TNNI3K: variants seen among roughly 807,000 people sequenced by gnomAD.
TNNI3K encodes the protein serine/threonine-protein kinase TNNI3K.
In TNNI3K, 140 loss-of-function variants were observed where a neutral mutation model predicts 114.5. That is an observed-to-expected ratio of 1.22 (90% CI 1.07 to 1.41). TNNI3K has a LOEUF of 1.41. Ranked by LOEUF, TNNI3K falls within the 40% of genes most tolerant of loss-of-function variation. The pLI, the probability that TNNI3K is intolerant of heterozygous loss-of-function variation, is 0.00. For synonymous variants in TNNI3K, 347 were observed against 347.5 expected, an observed-to-expected ratio of 1.00 and a Z score of 0.02; for missense variants, 1,125 against 1,007.6, an observed-to-expected ratio of 1.12 and a Z score of -1.58.
intron 23 of TNNI3K, among the ~76,000 whole-genome samples, chr1:74,521,742 G>A (rs1029408477): frequency 9.9e-5 from 15 of 152,242 alleles, no homozygotes; most frequent in African/African-American, 2.4e-4. Flanking sequence ...ATGATAAGAA[G>A]GGCACAGGGT....
rs572002800 is a variant in TNNI3K, at chr1:74,480,956, G to T, written c.2122-8233G>T. 153 of 714,010 alleles carry T rather than the reference G, an allele frequency of 2.1e-4. No homozygotes were observed. The African/African-American group carries it at 2.6e-3, about 12-fold the overall frequency. The allele number at this position is 714,010 out of a possible 1,614,324, so 44.2% of individuals were successfully genotyped here. ...ATCGGTGATGATTAAAACCCTCGTG[G>T]TCATAGGGGCTGCTGTGGGGAAAAA... is the stretch of plus-strand genomic sequence containing the variant. On this transcript the variant is annotated intron_variant, in intron 21 of 24. Transcript: ENST00000326637.
At chr1:74,382,214 A>G (rs1174448030) in intron 17 of TNNI3K, among the ~76,000 whole-genome samples, 2 of 152,088 alleles carry the variant, frequency 1.3e-5, no homozygotes, top group African/African-American at 2.4e-5. Flanking sequence ...TGTCATTTCT[A>G]TTCATGTTCT....
chr1:74,501,096 T>G (rs1350951129), intron 23 of TNNI3K, among the ~76,000 whole-genome samples: 2 of 152,168 alleles, frequency 1.3e-5, no homozygotes, highest in African/African-American at 2.4e-5. Context: ...GGAATTCTAG[T>G]TGGATATTTT....
chr1:74,347,674 C>T (rs1297350990), intron 9 of TNNI3K, among the ~76,000 whole-genome samples: 2 of 152,172 alleles, frequency 1.3e-5, no homozygotes, highest in Admixed American at 6.5e-5. Flanking sequence ...TGTTTCCTGA[C>T]ATTTTAATGA....
intron 23 of TNNI3K, among the ~76,000 whole-genome samples, chr1:74,534,406 A>G (rs1646634254): frequency 6.6e-6 from 1 of 152,168 alleles, no homozygotes; most frequent in Admixed American, 6.5e-5. Flanking sequence ...GGCACTAGCA[A>G]ATATTCTGAG....
At chr1:74,243,722 A>G (rs935996034) in intron 2 of TNNI3K, among the ~76,000 whole-genome samples, 1 of 152,212 alleles carries the variant, frequency 6.6e-6, no homozygotes, top group African/African-American at 2.4e-5. Context: ...TACAAGAAAG[A>G]AAGTAACCTT....
At chr1:74,407,897 C>T (rs1027881269) in intron 17 of TNNI3K, among the ~76,000 whole-genome samples, 2 of 152,110 alleles carry the variant, frequency 1.3e-5, no homozygotes, top group African/African-American at 4.8e-5. Flanking sequence ...CTTTTGCAGA[C>T]CCTACAGGTA....
At chr1:74,320,200 C>T (rs1404022650) in intron 5 of TNNI3K, among the ~76,000 whole-genome samples, 1 of 152,080 alleles carries the variant, frequency 6.6e-6, no homozygotes, top group Non-Finnish European at 1.5e-5. Flanking sequence ...ATACATTTAC[C>T]ACCATTATGC....
rs865870848 is a variant in TNNI3K at position 74,351,067 on chromosome 1, G to T, written c.933-2199G>T. On this transcript the variant is annotated intron_variant, in intron 9 of 24. Transcript: ENST00000326637. ...ATGCAGTTTCTTCCTAGCCTTGATGGTCTTTACAATTTGGCATGTTTTTGC... is the reference window on the plus strand; with the variant it reads ...ATGCAGTTTCTTCCTAGCCTTGATGTTCTTTACAATTTGGCATGTTTTTGC... Among the ~76,000 whole-genome samples, 67 of 151,576 alleles carry T rather than the reference G, an allele frequency of 4.4e-4. 1 individual carries two copies. In the South Asian group the frequency reaches 8.8e-3, roughly 20 times the overall value.
chr1:74,473,550 T>C (rs1187248557), intron 21 of TNNI3K, among the ~76,000 whole-genome samples: 1 of 152,094 alleles, frequency 6.6e-6, no homozygotes, highest in Admixed American at 6.6e-5. Flanking sequence ...TTTTCATTTT[T>C]AACATTGTTA....
At chr1:74,436,409 C>T (rs1666130416) in intron 18 of TNNI3K, 65 bp from the exon 19 acceptor site, 1 of 1,500,480 alleles carries the variant, frequency 6.7e-7, no homozygotes, top group Non-Finnish European at 8.9e-7. Context: ...AAAATTTTAA[C>T]TGTGATCTTT....
At chr1:74,362,504 T>C (rs999469975) in intron 11 of TNNI3K, among the ~76,000 whole-genome samples, 3 of 152,164 alleles carry the variant, frequency 2.0e-5, no homozygotes, top group Non-Finnish European at 4.4e-5. Context: ...CTTAAAATAT[T>C]CTCAGAGCAA....
At chr1:74,312,069 C>T (rs749630242) in intron 5 of TNNI3K, among the ~76,000 whole-genome samples, 64 of 152,084 alleles carry the variant, frequency 4.2e-4, no homozygotes, top group Non-Finnish European at 7.4e-4. Flanking sequence ...AACAGCTTTT[C>T]TGGGAATGTT....
Position 74,463,439 on chromosome 1 carries a change from AGCGGCTGCGGCAGCAGACATG to A in TNNI3K, c.2013_2033del (p.Ala672_Ala678del), listed in dbSNP as rs1667534917. 1.2e-6 allele frequency: 2 copies of A among 1,614,070 alleles called. No homozygotes were observed. The highest frequency in any genetic ancestry group is 1.7e-5 in the Admixed American group (1 of 60,010). ...AAACTGACATGACCATTTGGTTTGC[AGCGGCTGCGGCAGCAGACATG>A]GCTTACCACCACATCAGACCTCCCA... is the stretch of plus-strand genomic sequence containing the variant. On this transcript the variant is annotated splice_acceptor_variant and coding_sequence_variant, in exon 21 of 25. Transcript: ENST00000326637. LOFTEE classifies it high-confidence loss of function.
intron 22 of TNNI3K, 59 bp downstream of exon 22, chr1:74,489,307 C>T: frequency 6.5e-7 from 1 of 1,548,580 alleles, no homozygotes; most frequent in Non-Finnish European, 8.8e-7. Context: ...CCAAGGCTGT[C>T]AGGGAATGTA....
rs183590707 is a variant in TNNI3K, at chr1:74,536,320, T to A, written c.2352-3914T>A. Reference sequence around the variant, plus strand: ...TTGTTCTGACAAGCCATGGCCTAAATGGCATGCACACTCCAAAATACAGTT... The same window carrying A: ...TTGTTCTGACAAGCCATGGCCTAAAAGGCATGCACACTCCAAAATACAGTT... On this transcript the variant is annotated intron_variant, in intron 23 of 24. Transcript: ENST00000326637. Among the ~76,000 whole-genome samples the A allele has an allele frequency of 5.3e-5, 8 of 152,328 alleles. No homozygotes were observed. In the East Asian group the frequency reaches 1.5e-3, roughly 29 times the overall value.
chr1:74,497,886 G>A (rs1371780574), intron 23 of TNNI3K, among the ~76,000 whole-genome samples: 1 of 152,094 alleles, frequency 6.6e-6, no homozygotes, highest in Non-Finnish European at 1.5e-5. Flanking sequence ...AGTGATACAC[G>A]TTTTCATCAT....
intron 5 of TNNI3K, among the ~76,000 whole-genome samples, chr1:74,320,792 G>A (rs1163009550): frequency 2.0e-5 from 3 of 152,070 alleles, no homozygotes; most frequent in Non-Finnish European, 4.4e-5. Context: ...TTTAGAAGTT[G>A]ATTTTTCAAG....
At chr1:74,371,087 G>T (rs181484222) in intron 17 of TNNI3K, 1 of 151,952 alleles carries the variant, frequency 6.6e-6, no homozygotes, top group Non-Finnish European at 1.5e-5. Context: ...GTGCTGTAGA[G>T]AATAGTTGGA....
Sources: allele counts gnomAD v4.1 joint callset (sites outside exome capture counted in the v4.1 genomes callset), GRCh38; gene constraint gnomAD v4.1.1; transcripts MANE v1.5; gene names NCBI Gene and HGNC (gene_info 2026-07-23, HGNC 2026-07-21).